CCDC66: variants seen among roughly 807,000 people sequenced by gnomAD.
The protein encoded by CCDC66 is coiled-coil domain containing 66.
A neutral mutation model predicts 128.3 loss-of-function variants in CCDC66; 133 were observed. The observed-to-expected ratio is 1.04, with a 90% CI of 0.90 to 1.20. The LOEUF (loss-of-function observed/expected upper bound fraction) is 1.20. Ranked by LOEUF, CCDC66 falls within the 50% of genes most tolerant of loss-of-function variation. The pLI, the probability that CCDC66 is intolerant of heterozygous loss-of-function variation, is 0.00. For missense variants in CCDC66, 1,126 were observed against 1,075.5 expected (o/e 1.05, Z -0.66); for synonymous variants, 387 against 357.0 (o/e 1.08, Z -0.95).
chr3:56,598,903 T>A (rs2072627973), intron 10 of CCDC66, among the ~76,000 whole-genome samples: 1 of 152,062 alleles, frequency 6.6e-6, no homozygotes, highest in Non-Finnish European at 1.5e-5. Flanking sequence ...TGTCCTTCTC[T>A]GGCTTTGGTA....
At position 56,564,096 on chromosome 3, in the gene CCDC66, C is replaced by T; in HGVS notation, c.515C>T (p.Ser172Phe). 6.2e-7 allele frequency: 1 copy of T among 1,600,552 alleles called. No individual in the cohort carries two copies. The highest frequency in any genetic ancestry group is 8.5e-7 in the Non-Finnish European group (1 of 1,173,834). The change falls in exon 4 of 18, where the codon TCC (serine) becomes TTC (phenylalanine). Residue 172 changes from serine to phenylalanine, a missense_variant. Coordinates refer to ENST00000394672, the MANE Select transcript of CCDC66 (RefSeq NM_001141947.3). ...GTAAACCAAGGAAATAGATCTCTTTCCCTGACTGAGAATGGAAAGGAGGCA... is the reference window on the plus strand; with the variant it reads ...GTAAACCAAGGAAATAGATCTCTTTTCCTGACTGAGAATGGAAAGGAGGCA... ...MTVNQGNRSL[S>F]LTENGKEAKS...
chr3:56,617,123 A>G lies in CCDC66; in HGVS notation c.1855A>G (p.Ile619Val). Residue 619 changes from isoleucine (I) to valine (V), a missense_variant, in exon 14 of 18, where the codon ATA becomes GTA. Ile to Val is a conservative substitution (Grantham distance 29). Transcript: ENST00000394672. ...CAACTTTTTTTTAGATGACTTAAAT[A>G]TAGGAATATTCACCAATGCAGAATC... The part of the protein sequence containing the change: ...DTGVQTDDLN[I>V]GIFTNAESHC... 1.3e-6 allele frequency: 2 copies of G among 1,517,286 alleles called. No homozygotes were observed. Among genetic ancestry groups the G allele is most frequent in the African/African-American group, 1.4e-5 (1 of 70,990 alleles). The allele number at this position is 1,517,286 out of a possible 1,614,324, so 94.0% of individuals were successfully genotyped here.
chr3:56,620,609 T>C (rs1347809367), intron 17 of CCDC66: 2 of 152,222 alleles, frequency 1.3e-5, no homozygotes, highest in African/African-American at 2.4e-5. Context: ...TCTACAGAAC[T>C]AGAAAATTGT....
chr3:56,592,032 A>G (rs748431631), intron 7 of CCDC66, among the ~76,000 whole-genome samples: 5 of 152,232 alleles, frequency 3.3e-5, no homozygotes, highest in Non-Finnish European at 7.3e-5. Flanking sequence ...CATCAATTAA[A>G]GTGGCAGCAA....
chr3:56,561,097 C>G, intron 3 of CCDC66: 2 of 422,340 alleles, frequency 4.7e-6, no homozygotes, highest in Non-Finnish European at 4.7e-6. Context: ...CATGTATGCT[C>G]CCCAATCACA....
chr3:56,605,599 G>A (rs958172106), intron 10 of CCDC66, among the ~76,000 whole-genome samples: 2 of 152,030 alleles, frequency 1.3e-5, no homozygotes, highest in African/African-American at 4.8e-5. Flanking sequence ...CACCAGCAGA[G>A]GCTGCAGAAC....
rs1553652234 is a variant in CCDC66 at position 56,557,250 on chromosome 3, T to TGGGGTGAGCA, written c.11+2_11+3insGAGCAGGGGT. ...AGAGTGCGAGGTCAGGCCATGAACT[T>TGGGGTGAGCA]GGGGTAAGCAGGGGTAAGCTGGGGT... On this transcript the variant is annotated stop_gained and frameshift_variant, in exon 1 of 18. Coordinates refer to ENST00000394672, the MANE Select transcript of CCDC66 (RefSeq NM_001141947.3). LOFTEE classifies it high-confidence loss of function. 1.6e-5 allele frequency: 24 copies of TGGGGTGAGCA among 1,547,082 alleles called. No homozygotes were observed. The highest frequency in any genetic ancestry group is 2.0e-5 in the Admixed American group (1 of 50,780).
intron 10 of CCDC66, among the ~76,000 whole-genome samples, chr3:56,604,491 G>C (rs1306500972): frequency 1.3e-5 from 2 of 151,946 alleles, no homozygotes; most frequent in Middle Eastern, 3.2e-3. Context: ...AAATCTCTCA[G>C]AATTTCCTTG....
chr3:56,602,637 A>G (rs1421998723), intron 10 of CCDC66, among the ~76,000 whole-genome samples: 1 of 151,912 alleles, frequency 6.6e-6, no homozygotes, highest in African/African-American at 2.4e-5. Flanking sequence ...GCTATTAATT[A>G]TTGCCTCAAT....
intron 7 of CCDC66, among the ~76,000 whole-genome samples, chr3:56,591,420 G>A (rs1158114218): frequency 2.0e-5 from 3 of 152,062 alleles, no homozygotes; most frequent in Admixed American, 2.0e-4. Flanking sequence ...TAGCTTCCCT[G>A]GGTCACACTG....
In CCDC66 at chr3:56,617,638, C is replaced by T. The variant is rs199636178; in HGVS notation, c.2337+33C>T. 6.5e-4 allele frequency: 1,007 copies of T among 1,557,110 alleles called. 16 individuals are homozygous for T. In the South Asian group the frequency reaches 0.012, roughly 18 times the overall value. On this transcript the variant is annotated intron_variant, in intron 14 of 17. Transcript: ENST00000394672. ...TCTTCCATCTTAGATGATGTGTTGA[C>T]GTTTCTGGATTCAAAACACAGTTTC... is the stretch of plus-strand genomic sequence containing the variant.
At chr3:56,593,149 T>A (rs755193199) in intron 8 of CCDC66, 48 bp downstream of exon 8, 6 of 1,410,012 alleles carry the variant, frequency 4.3e-6, no homozygotes, top group South Asian at 1.3e-5. Context: ...AAAATCAAAG[T>A]CTTTAATCAA....
At chr3:56,562,109 T>C (rs1358042636) in intron 3 of CCDC66, among the ~76,000 whole-genome samples, 1 of 151,814 alleles carries the variant, frequency 6.6e-6, no homozygotes, top group Non-Finnish European at 1.5e-5. Context: ...GGGACAATTA[T>C]GGCTCACTGC....
chr3:56,576,376 A>T (rs114361786), intron 7 of CCDC66, among the ~76,000 whole-genome samples: 4,010 of 150,300 alleles, frequency 0.027, 115 homozygotes, highest in African/African-American at 0.059. Flanking sequence ...TGGGATTTTT[A>T]AAAAAAATTT....
chr3:56,618,402 G>T (rs1275066989), intron 15 of CCDC66, 190 bp downstream of exon 15: 5 of 534,360 alleles, frequency 9.4e-6, no homozygotes, highest in Non-Finnish European at 1.3e-5. Context: ...GCCCAAGTTG[G>T]ACTGGGCCTA....
chr3:56,619,995 T>C (rs915823254), intron 17 of CCDC66, 94 bp downstream of exon 17: 75 of 1,357,232 alleles, frequency 5.5e-5, no homozygotes, highest in Non-Finnish European at 7.2e-5. Flanking sequence ...GTTACTTCGG[T>C]GCATCCCAGG....
chr3:56,577,837 T>A (rs2067645899), intron 7 of CCDC66, among the ~76,000 whole-genome samples: 1 of 151,844 alleles, frequency 6.6e-6, no homozygotes, highest in South Asian at 2.1e-4. Flanking sequence ...TAGTGTAGTT[T>A]GAAGTGAGAC....
chr3:56,615,325 A>G (rs1461736159), intron 12 of CCDC66, 53 bp downstream of exon 12: 6 of 1,522,432 alleles, frequency 3.9e-6, no homozygotes, highest in African/African-American at 1.4e-5. Context: ...ATGATTTTAA[A>G]TAATTCCTTT....
rs577572323 is a variant in CCDC66 at position 56,593,551 on chromosome 3, C to G, written c.1129C>G (p.Gln377Glu). Reference sequence around the variant, plus strand: ...TTCATTAAAGAGTTATCCTGGTTCTCAATCTCAGCTGTTCTCTCAGTCAAC... The same window carrying G: ...TTCATTAAAGAGTTATCCTGGTTCTGAATCTCAGCTGTTCTCTCAGTCAAC... The part of the protein sequence containing the change: ...FDSLKSYPGS[Q>E]SQLFSQSTHK... Residue 377 changes from glutamine (Q) to glutamate (E), a missense_variant, in exon 9 of 18, where the codon CAA becomes GAA. By Grantham distance (29) the Gln-to-Glu change is conservative (BLOSUM62 2). Coordinates refer to ENST00000394672, the MANE Select transcript of CCDC66 (RefSeq NM_001141947.3). 6.2e-7 allele frequency: 1 copy of G among 1,614,084 alleles called. No homozygotes were observed. Among genetic ancestry groups the G allele is most frequent in the East Asian group, 2.2e-5 (1 of 44,878 alleles).
Sources: gnomAD v4.1 joint callset for allele counts (sites outside exome capture counted in the v4.1 genomes callset) on GRCh38, gnomAD v4.1.1 for gene constraint, MANE v1.5 for transcripts, NCBI Gene and HGNC (gene_info 2026-07-23, HGNC 2026-07-21) for gene names.